The following RFTN1 variants were observed in gnomAD, a reference collection of about 807,000 sequenced individuals.
RFTN1 encodes raftlin, lipid raft linker 1.
In RFTN1, 26 loss-of-function variants were observed where a neutral mutation model predicts 46.5. That is an observed-to-expected ratio of 0.56 (90% CI 0.41 to 0.78). RFTN1 has a LOEUF of 0.78. RFTN1 is among the 30% of genes least tolerant of loss of function. The probability of loss-of-function intolerance (pLI) is 0.00; values close to 1 mark genes in which losing one functional copy is unlikely to be tolerated. For missense variants in RFTN1, 693 were observed against 718.7 expected (o/e 0.96, Z 0.41); for synonymous variants, 261 against 284.2 (o/e 0.92, Z 0.82).
intron 2 of RFTN1, among the ~76,000 whole-genome samples, chr3:16,454,010 A>C (rs2124913061): frequency 6.6e-6 from 1 of 152,320 alleles, no homozygotes; most frequent in Admixed American, 6.5e-5. Context: ...GCAGAAGACA[A>C]AAGTCAAAGC....
intron 6 of RFTN1, among the ~76,000 whole-genome samples, chr3:16,366,516 G>T (rs1408151839): frequency 6.6e-6 from 1 of 152,032 alleles, no homozygotes; most frequent in African/African-American, 2.4e-5. Flanking sequence ...TCGTCCCACC[G>T]GGAGAGCCGC....
rs996487294 is a variant in RFTN1 at position 16,342,208 on chromosome 3, C to A, written c.1147-15332G>T. On this transcript the variant is annotated intron_variant, in intron 7 of 9. Coordinates refer to ENST00000334133, the MANE Select transcript of RFTN1 (RefSeq NM_015150.2). The surrounding 1 kb of genome is among the most constrained non-coding windows in gnomAD (Gnocchi z 4.0). ...ATTAGCAGTCACTCCCCTTTCCCCCCACCCACCCCGAGGCAACCACGAGTC... is the reference window on the plus strand; with the variant it reads ...ATTAGCAGTCACTCCCCTTTCCCCCAACCCACCCCGAGGCAACCACGAGTC... Among the ~76,000 whole-genome samples the A allele has an allele frequency of 6.6e-6, 1 of 152,158 alleles. No homozygotes were observed. The highest frequency in any genetic ancestry group is 2.4e-5 in the African/African-American group (1 of 41,420).
In RFTN1 at chr3:16,336,421, G is replaced by A. The variant is rs1297199338; in HGVS notation, c.1147-9545C>T. On this transcript the variant is annotated intron_variant, in intron 7 of 9. Coordinates refer to ENST00000334133, the MANE Select transcript of RFTN1 (RefSeq NM_015150.2). This position sits in a 1 kb window ranked among gnomAD's most constrained non-coding sequence, Gnocchi z 6.0. The stretch of plus-strand genomic sequence containing the variant: ...AAGGGGCGACCTGCTGCTCTGTGGA[G>A]AAACAGCAAAGCCCTCTGCAGCCAG... 6.6e-6 allele frequency among the ~76,000 whole-genome samples: 1 copy of A among 152,198 alleles called. No homozygotes were observed. Among genetic ancestry groups the A allele is most frequent in the Non-Finnish European group, 1.5e-5 (1 of 68,024 alleles).
In RFTN1 at chr3:16,480,307, C is replaced by T. The variant is rs1268392421; in HGVS notation, c.145+13418G>A. Among the ~76,000 whole-genome samples the T allele has an allele frequency of 6.6e-6, 1 of 152,216 alleles. No homozygotes were observed. Among genetic ancestry groups the T allele is most frequent in the East Asian group, 1.9e-4 (1 of 5,202 alleles). ...TAATTCTGAGCTTACACTAGGGATG[C>T]CCAAGTGAAATAATCCCTTCCCTCT... On this transcript the variant is annotated intron_variant, in intron 2 of 9. Coordinates refer to ENST00000334133, the MANE Select transcript of RFTN1 (RefSeq NM_015150.2). The surrounding 1 kb of genome is among the most constrained non-coding windows in gnomAD (Gnocchi z 4.3).
intron 3 of RFTN1, among the ~76,000 whole-genome samples, chr3:16,423,858 T>C (rs1299276567): frequency 6.6e-6 from 1 of 152,222 alleles, no homozygotes; most frequent in Non-Finnish European, 1.5e-5. Flanking sequence ...TAACAAAGAC[T>C]GCTACCTTAG....
intron 4 of RFTN1, among the ~76,000 whole-genome samples, chr3:16,391,011 A>G (rs1250142140): frequency 6.6e-6 from 1 of 152,158 alleles, no homozygotes; most frequent in Non-Finnish European, 1.5e-5. Flanking sequence ...TTTCTTTCTA[A>G]CAGCTCCTTT....
intron 3 of RFTN1, among the ~76,000 whole-genome samples, chr3:16,416,956 C>A (rs1424880109): frequency 1.3e-5 from 2 of 151,830 alleles, no homozygotes; most frequent in Admixed American, 1.3e-4. Flanking sequence ...AGTACCTTCA[C>A]AATGTTGTGC....
intron 4 of RFTN1, among the ~76,000 whole-genome samples, 160 bp downstream of exon 4, chr3:16,409,215 C>CT (rs2074930535): frequency 1.3e-5 from 2 of 152,180 alleles, no homozygotes; most frequent in Non-Finnish European, 2.9e-5. Context: ...AGAGTCAGCT[C>CT]TGGAGGGGGC....
rs1189129466 is a variant in RFTN1 at position 16,489,895 on chromosome 3, G to A, written c.145+3830C>T. ...TGCACTCCAGCCTAGGTGACAGAGCGAGACTCCATGTCAAAAAAAAACAAA... is the reference window on the plus strand; with the variant it reads ...TGCACTCCAGCCTAGGTGACAGAGCAAGACTCCATGTCAAAAAAAAACAAA... On this transcript the variant is annotated intron_variant, in intron 2 of 9. Coordinates refer to ENST00000334133, the MANE Select transcript of RFTN1 (RefSeq NM_015150.2). This position sits in a 1 kb window ranked among gnomAD's most constrained non-coding sequence, Gnocchi z 4.0. Among the ~76,000 whole-genome samples the A allele has an allele frequency of 2.6e-5, 4 of 152,040 alleles. No homozygotes were observed. Among genetic ancestry groups the A allele is most frequent in the South Asian group, 2.1e-4 (1 of 4,816 alleles).
At position 16,410,210 on chromosome 3, in the gene RFTN1, T is replaced by TACACACACAC. The variant is rs2074955030; in HGVS notation, c.333-728_333-727insGTGTGTGTGT. Among the ~76,000 whole-genome samples, 1 of 114,256 alleles carries TACACACACAC rather than the reference T, an allele frequency of 8.8e-6. No individual in the cohort carries two copies. Among genetic ancestry groups the TACACACACAC allele is most frequent in the Non-Finnish European group, 1.7e-5 (1 of 57,274 alleles). 75.0% of individuals were successfully genotyped at this position (114,256 alleles called of 152,430 possible). A position where few individuals can be genotyped will look rare whatever the true frequency, so the allele number is the denominator to read the frequency against. ...GTTTGGTACAATACAGCTTACATGT[T>TACACACACAC]ATACACACACACACACACACACACA... is the stretch of plus-strand genomic sequence containing the variant. On this transcript the variant is annotated intron_variant, in intron 3 of 9. Coordinates refer to ENST00000334133, the MANE Select transcript of RFTN1 (RefSeq NM_015150.2). The surrounding 1 kb of genome is among the most constrained non-coding windows in gnomAD (Gnocchi z 4.6).
rs1421603155 is a variant in RFTN1 at position 16,383,232 on chromosome 3, T to C, written c.442-5130A>G. Among the ~76,000 whole-genome samples the C allele has an allele frequency of 6.6e-6, 1 of 152,188 alleles. No homozygotes were observed. The highest frequency in any genetic ancestry group is 1.5e-5 in the Non-Finnish European group (1 of 68,036). ...TCAGATAATCTGACCTGTGCCAAGA[T>C]GCCCAGGTGGATGCCTGTTTAAACT... On this transcript the variant is annotated intron_variant, in intron 4 of 9. Coordinates refer to ENST00000334133, the MANE Select transcript of RFTN1 (RefSeq NM_015150.2). This position sits in a 1 kb window ranked among gnomAD's most constrained non-coding sequence, Gnocchi z 4.0.
intron 7 of RFTN1, 58 bp downstream of exon 7, chr3:16,357,874 G>A: frequency 1.9e-6 from 2 of 1,066,332 alleles, no homozygotes; most frequent in Non-Finnish European, 2.9e-6. Flanking sequence ...GATCAAGCAG[G>A]CGGATAAAAC....
At chr3:16,432,675 GA>G (rs199549515) in intron 3 of RFTN1, among the ~76,000 whole-genome samples, 2 of 146,116 alleles carry the variant, frequency 1.4e-5, no homozygotes, top group Admixed American at 6.8e-5. Flanking sequence ...TGTTTCTACA[GA>G]AAAAAAAAAG....
intron 2 of RFTN1, among the ~76,000 whole-genome samples, chr3:16,462,459 G>A (rs1425475046): frequency 6.6e-6 from 1 of 152,170 alleles, no homozygotes; most frequent in Non-Finnish European, 1.5e-5. Context: ...TATACAAGTG[G>A]TCCCTAAATG....
In RFTN1 at chr3:16,346,612, C is replaced by T. The variant is rs1400202894; in HGVS notation, c.1146+11320G>A. ...CTCACTGACACCCCCCAGGCCTGGACAACCATGACTCTTGACAAGTGGCAT... is the reference window on the plus strand; with the variant it reads ...CTCACTGACACCCCCCAGGCCTGGATAACCATGACTCTTGACAAGTGGCAT... On this transcript the variant is annotated intron_variant, in intron 7 of 9. Transcript: ENST00000334133. The surrounding 1 kb of genome is among the most constrained non-coding windows in gnomAD (Gnocchi z 4.4). Among the ~76,000 whole-genome samples, 1 of 152,180 alleles carries T rather than the reference C, an allele frequency of 6.6e-6. No individual in the cohort carries two copies. The highest frequency in any genetic ancestry group is 1.5e-5 in the Non-Finnish European group (1 of 68,026).
chr3:16,366,792 C>T (rs796180139), intron 6 of RFTN1, among the ~76,000 whole-genome samples: 6,173 of 120,970 alleles, frequency 0.051, no homozygotes, highest in South Asian at 0.17. Context: ...CCAGCACCCA[C>T]ACAAAGCAAC....
chr3:16,434,395 A>AAC (rs1354273028), intron 2 of RFTN1, among the ~76,000 whole-genome samples: 20 of 135,098 alleles, frequency 1.5e-4, no homozygotes, highest in East Asian at 1.2e-3. Flanking sequence ...CAAACAAACA[A>AAC]AAACAAAAAA....
Position 16,459,452 on chromosome 3 carries a change from C to G in RFTN1, c.146-25415G>C, listed in dbSNP as rs73146217. Among the ~76,000 whole-genome samples the G allele has an allele frequency of 0.012, 1,891 of 152,150 alleles. 42 individuals are homozygous for G. Among genetic ancestry groups the G allele is most frequent in the African/African-American group, 0.043 (1,767 of 41,494 alleles). ...CTACTTTAAAAATTTAAAAATGAGC[C>G]AGGAATAGCAGCGTGTGCCTTTATC... On this transcript the variant is annotated intron_variant, in intron 2 of 9. Coordinates refer to ENST00000334133, the MANE Select transcript of RFTN1 (RefSeq NM_015150.2). This position sits in a 1 kb window ranked among gnomAD's most constrained non-coding sequence, Gnocchi z 4.2.
At chr3:16,463,987 C>T (rs2076048556) in intron 2 of RFTN1, among the ~76,000 whole-genome samples, 1 of 152,156 alleles carries the variant, frequency 6.6e-6, no homozygotes, top group Non-Finnish European at 1.5e-5. Flanking sequence ...GCCCCCACCC[C>T]TCCCAACCTC....
Sources: gnomAD v4.1 joint callset for allele counts (sites outside exome capture counted in the v4.1 genomes callset) on GRCh38, gnomAD v4.1.1 for gene constraint, Gnocchi (gnomAD v3.1) non-coding constraint, MANE v1.5 for transcripts, NCBI Gene and HGNC (gene_info 2026-07-23, HGNC 2026-07-21) for gene names.